Variants in MBP observed in about 807,000 individuals in gnomAD.
MBP encodes Golli-MBP.
Under a neutral mutation model 35.8 loss-of-function variants are expected in MBP, and 16 were observed. The observed-to-expected ratio is 0.45, with a 90% CI of 0.30 to 0.68. The LOEUF (loss-of-function observed/expected upper bound fraction) is 0.68. MBP is among the 30% of genes least tolerant of loss of function. The pLI, the probability that MBP is intolerant of heterozygous loss-of-function variation, is 0.08. For missense variants in MBP, 380 were observed against 404.7 expected, an observed-to-expected ratio of 0.94 and a Z score of 0.52; for synonymous variants, 143 against 159.6, an observed-to-expected ratio of 0.90 and a Z score of 0.78.
At chr18:77,018,638 ATC>A in intron 3 of MBP, among the ~76,000 whole-genome samples, 1 of 144,148 alleles carries the variant, frequency 6.9e-6, no homozygotes, top group African/African-American at 2.6e-5. Flanking sequence ...CCATCCATCC[ATC>A]CACATATCAG....
At chr18:76,983,914 A>T (rs1043029858) in intron 8 of MBP, 31 of 152,388 alleles carry the variant, frequency 2.0e-4, no homozygotes, top group African/African-American at 7.2e-4. Flanking sequence ...TTACACACCA[A>T]GAAAGACCCC....
chr18:77,008,083 T>C (rs1428963955), intron 4 of MBP, among the ~76,000 whole-genome samples: 1 of 152,126 alleles, frequency 6.6e-6, no homozygotes, highest in Non-Finnish European at 1.5e-5. Flanking sequence ...GAGGACAGCG[T>C]GCCTCTCGTG....
At chr18:77,059,243 T>C (rs948777520) in intron 3 of MBP, among the ~76,000 whole-genome samples, 1 of 152,166 alleles carries the variant, frequency 6.6e-6, no homozygotes, top group African/African-American at 2.4e-5. Flanking sequence ...ATATGGAATA[T>C]TAAGGAGCTA....
intron 3 of MBP, among the ~76,000 whole-genome samples, chr18:77,023,381 C>A (rs1001750092): frequency 6.6e-6 from 1 of 152,178 alleles, no homozygotes; most frequent in African/African-American, 2.4e-5. Context: ...ACACAAGCGT[C>A]GCCAGGTCCT....
At chr18:77,120,170 C>T (rs1248316873) in intron 1 of MBP, among the ~76,000 whole-genome samples, 1 of 152,246 alleles carries the variant, frequency 6.6e-6, no homozygotes, top group Non-Finnish European at 1.5e-5. Context: ...GAGCATTCTT[C>T]TGTGAATCCA....
At chr18:77,117,248 A>T (rs1459589653) in intron 1 of MBP, among the ~76,000 whole-genome samples, 1 of 152,242 alleles carries the variant, frequency 6.6e-6, no homozygotes, top group Non-Finnish European at 1.5e-5. Context: ...GTTATTAAAA[A>T]TGGCATTTAA....
chr18:77,079,409 A>G (rs990511087), intron 2 of MBP, among the ~76,000 whole-genome samples: 8 of 152,164 alleles, frequency 5.3e-5, no homozygotes, highest in Non-Finnish European at 8.8e-5. Context: ...GATAAATAGA[A>G]CAAGTCAGTT....
chr18:77,124,492 C>T (rs1418770342), intron 1 of MBP, among the ~76,000 whole-genome samples: 3 of 150,824 alleles, frequency 2.0e-5, no homozygotes, highest in Non-Finnish European at 4.4e-5. Flanking sequence ...CTGCTGTGGT[C>T]GCTGCCTGCA....
chr18:77,050,631 G>A (rs1973450825), intron 3 of MBP, among the ~76,000 whole-genome samples: 1 of 152,074 alleles, frequency 6.6e-6, no homozygotes, highest in Admixed American at 6.6e-5. Flanking sequence ...ACTGCAACCT[G>A]TGTCTCCCAG....
chr18:76,992,601 T>A (rs1970000920), intron 4 of MBP, among the ~76,000 whole-genome samples: 1 of 152,156 alleles, frequency 6.6e-6, no homozygotes, highest in Non-Finnish European at 1.5e-5. Context: ...CCCTGGGCCC[T>A]AACGTGGTGA....
At chr18:77,068,016 C>CGTGTGTGTGTGT (rs56090018) in intron 2 of MBP, among the ~76,000 whole-genome samples, 287 of 149,716 alleles carry the variant, frequency 1.9e-3, no homozygotes, top group South Asian at 0.014. Flanking sequence ...CCCTCCATCC[C>CGTGTGTGTGTGT]GTGTGTGTGT....
intron 3 of MBP, among the ~76,000 whole-genome samples, chr18:77,023,793 C>T (rs184045568): frequency 1.1e-4 from 17 of 152,192 alleles, no homozygotes; most frequent in South Asian, 2.1e-4. Context: ...CACCCTTCTC[C>T]GAGTGCGTCT....
At chr18:77,047,872 T>C (rs1176155735) in intron 3 of MBP, among the ~76,000 whole-genome samples, 2 of 152,210 alleles carry the variant, frequency 1.3e-5, no homozygotes, top group East Asian at 3.8e-4. Context: ...GAATAAGGTA[T>C]GTATTATGCA....
At chr18:77,114,358 A>G (rs1238936411) in intron 1 of MBP, 2 of 152,240 alleles carry the variant, frequency 1.3e-5, no homozygotes, top group Non-Finnish European at 2.9e-5. Flanking sequence ...ATCAAGCAGC[A>G]AATTACTGGC....
Position 76,989,394 on chromosome 18 carries a change from G to A in MBP, c.682-482C>T, listed in dbSNP as rs974970550. Among the ~76,000 whole-genome samples, 3 of 152,150 alleles carry A rather than the reference G, an allele frequency of 2.0e-5. No individual in the cohort carries two copies. The highest frequency in any genetic ancestry group is 4.4e-5 in the Non-Finnish European group (3 of 68,028). ...TGTGGTTTTGTTCTTGTTTTTAATC[G>A]TCTTCGTTTTGCATGGCACTTTTCG... On this transcript the variant is annotated intron_variant, in intron 5 of 8. Transcript: ENST00000355994. The surrounding 1 kb of genome is among the most constrained non-coding windows in gnomAD (Gnocchi z 4.0).
chr18:77,034,118 C>CAGGT (rs1555718135), intron 3 of MBP, among the ~76,000 whole-genome samples: 1 of 147,948 alleles, frequency 6.8e-6, no homozygotes, highest in Non-Finnish European at 1.5e-5. Flanking sequence ...AGCCTTTAGG[C>CAGGT]AGGGTTTTCT....
chr18:77,123,676 C>T (rs1406715610), intron 1 of MBP, among the ~76,000 whole-genome samples: 1 of 152,210 alleles, frequency 6.6e-6, no homozygotes, highest in Admixed American at 6.5e-5. Context: ...GTAATGTGTG[C>T]AGGTGGCTGC....
chr18:77,110,708 T>A (rs940430425), intron 1 of MBP, among the ~76,000 whole-genome samples: 5 of 152,232 alleles, frequency 3.3e-5, no homozygotes, highest in Non-Finnish European at 5.9e-5. Flanking sequence ...ACTTTTGTTC[T>A]AAGACCACTT....
chr18:77,018,948 CCATCCATCTATCCATT>C (rs1395678854), intron 3 of MBP, among the ~76,000 whole-genome samples: 3 of 144,614 alleles, frequency 2.1e-5, no homozygotes, highest in Non-Finnish European at 3.0e-5. Context: ...ACCTGTTCAT[CCATCCATCTATCCATT>C]CATCCATCCA....
Sources: gnomAD v4.1 joint callset for allele counts (sites outside exome capture counted in the v4.1 genomes callset) on GRCh38, gnomAD v4.1.1 for gene constraint, Gnocchi (gnomAD v3.1) non-coding constraint, MANE v1.5 for transcripts, NCBI Gene and HGNC (gene_info 2026-07-23, HGNC 2026-07-21) for gene names.